The following MAD1L1 variants were observed in gnomAD, a reference collection of about 807,000 sequenced individuals.
MAD1L1 encodes mitotic arrest deficient 1 like 1.
MAD1L1 carries 95 observed loss-of-function variants against 96.9 expected under a neutral mutation model. That is an observed-to-expected ratio of 0.98 (90% CI 0.83 to 1.16). The LOEUF (loss-of-function observed/expected upper bound fraction) is 1.16. Ranked by LOEUF, MAD1L1 falls within the 50% of genes most tolerant of loss-of-function variation. MAD1L1 has a pLI of 0.00. For missense variants in MAD1L1, 1,007 were observed against 954.4 expected (o/e 1.06, Z -0.73); for synonymous variants, 473 against 396.6 (o/e 1.19, Z -2.29).
intron 15 of MAD1L1, among the ~76,000 whole-genome samples, chr7:1,964,241 T>C (rs1780067684): frequency 6.6e-6 from 1 of 152,114 alleles, no homozygotes; most frequent in African/African-American, 2.4e-5. Context: ...TGCAGGGGCT[T>C]CTTGACTTAG....
At chr7:2,223,299 C>G (rs1639919) in intron 4 of MAD1L1, among the ~76,000 whole-genome samples, 103,746 of 151,830 alleles carry the variant, frequency 0.68, 36,326 homozygotes, top group African/African-American at 0.83. Flanking sequence ...AACCTCCAGA[C>G]CCACCCCCCA....
At chr7:1,821,854 C>T (rs551306241) in intron 18 of MAD1L1, among the ~76,000 whole-genome samples, 2 of 152,336 alleles carry the variant, frequency 1.3e-5, no homozygotes, top group South Asian at 4.1e-4. Context: ...CGCCTTCCCT[C>T]ATTCGGTCAG....
intron 5 of MAD1L1, among the ~76,000 whole-genome samples, chr7:2,221,849 T>C (rs895294282): frequency 5.3e-5 from 8 of 152,142 alleles, no homozygotes; most frequent in Non-Finnish European, 1.2e-4. Flanking sequence ...ATTGGAGCCC[T>C]CAGCCAGGCC....
chr7:2,139,997 C>CCCCCCG, intron 11 of MAD1L1, among the ~76,000 whole-genome samples: 1 of 148,976 alleles, frequency 6.7e-6, no homozygotes, highest in South Asian at 2.2e-4. Flanking sequence ...CCCCGCCCCC[C>CCCCCCG]CCCAGTCCCT....
chr7:2,226,590 G>A (rs1793910818), intron 3 of MAD1L1, among the ~76,000 whole-genome samples: 1 of 152,216 alleles, frequency 6.6e-6, no homozygotes, highest in African/African-American at 2.4e-5. Context: ...GGAGGAAAAG[G>A]CAGAGTCACT....
At chr7:2,059,937 G>T (rs755397074) in intron 12 of MAD1L1, among the ~76,000 whole-genome samples, 4 of 152,186 alleles carry the variant, frequency 2.6e-5, no homozygotes, top group African/African-American at 4.8e-5. Context: ...CTAATGACAT[G>T]TAAGAATCTA....
At chr7:2,045,910 C>A (rs1278185883) in intron 12 of MAD1L1, among the ~76,000 whole-genome samples, 1 of 152,210 alleles carries the variant, frequency 6.6e-6, no homozygotes, top group Non-Finnish European at 1.5e-5. Context: ...GGAGCTGAGC[C>A]ATCATCTTTA....
In MAD1L1 at chr7:2,146,200, C is replaced by G. The variant is rs1307427231; in HGVS notation, c.1073+2952G>C. On this transcript the variant is annotated intron_variant, in intron 11 of 18. Coordinates refer to ENST00000265854, the MANE Select transcript of MAD1L1 (RefSeq NM_001013836.2). This position sits in a 1 kb window ranked among gnomAD's most constrained non-coding sequence, Gnocchi z 6.2. The stretch of plus-strand genomic sequence containing the variant: ...GCACAAGCATTCCGAGATGCTGCCA[C>G]GTGAGCTACCCCAGCGGCACCGTCA... Among the ~76,000 whole-genome samples the G allele has an allele frequency of 6.6e-6, 1 of 152,188 alleles. No individual in the cohort carries two copies. Among genetic ancestry groups the G allele is most frequent in the East Asian group, 1.9e-4 (1 of 5,200 alleles).
At chr7:1,871,484 C>T (rs1014827742) in intron 18 of MAD1L1, among the ~76,000 whole-genome samples, 4 of 150,072 alleles carry the variant, frequency 2.7e-5, no homozygotes, top group African/African-American at 7.4e-5. Context: ...CACGCTGAAC[C>T]CAACCTACGC....
At chr7:1,982,896 A>C (rs1780971427) in intron 14 of MAD1L1, among the ~76,000 whole-genome samples, 1 of 152,082 alleles carries the variant, frequency 6.6e-6, no homozygotes, top group Non-Finnish European at 1.5e-5. Flanking sequence ...TTTTATTAAG[A>C]GTTTTTAATC....
intron 17 of MAD1L1, among the ~76,000 whole-genome samples, chr7:1,907,772 C>T (rs1326196548): frequency 1.6e-4 from 25 of 152,256 alleles, no homozygotes; most frequent in African/African-American, 4.1e-4. Flanking sequence ...ATCCCTGTGT[C>T]GTCAACAACC....
intron 17 of MAD1L1, among the ~76,000 whole-genome samples, chr7:1,905,440 TC>T (rs1246120832): frequency 1.3e-5 from 2 of 148,432 alleles, no homozygotes; most frequent in Non-Finnish European, 1.5e-5. Context: ...GAAGCACTGT[TC>T]CAGGCAGCAA....
intron 14 of MAD1L1, among the ~76,000 whole-genome samples, chr7:1,995,234 C>T (rs1426258888): frequency 1.3e-5 from 2 of 152,320 alleles, no homozygotes; most frequent in African/African-American, 4.8e-5. Context: ...CCTCGGGGCA[C>T]GCACTGAGGA....
At chr7:2,058,047 G>C (rs1311488840) in intron 12 of MAD1L1, among the ~76,000 whole-genome samples, 1 of 109,934 alleles carries the variant, frequency 9.1e-6, no homozygotes, top group Non-Finnish European at 1.8e-5. Context: ...GAGAGGCGCG[G>C]GGCTGGAGAG....
At chr7:1,986,073 A>C (rs992402852) in intron 14 of MAD1L1, among the ~76,000 whole-genome samples, 1 of 152,142 alleles carries the variant, frequency 6.6e-6, no homozygotes, top group Non-Finnish European at 1.5e-5. Context: ...GCTGAAGATG[A>C]GTTTTATTGA....
At chr7:2,075,865 C>A (rs1204154307) in intron 11 of MAD1L1, among the ~76,000 whole-genome samples, 2 of 152,224 alleles carry the variant, frequency 1.3e-5, no homozygotes, top group Non-Finnish European at 2.9e-5. Context: ...CTACCTTCTC[C>A]CAAGTCCCAG....
chr7:1,854,366 G>A (rs769192846), intron 18 of MAD1L1: 45 of 473,462 alleles, frequency 9.5e-5, no homozygotes, highest in Non-Finnish European at 3.4e-5. Context: ...AACCTACCCT[G>A]TGGAAGCCTG....
At chr7:2,141,113 G>A (rs919762044) in intron 11 of MAD1L1, among the ~76,000 whole-genome samples, 8 of 152,218 alleles carry the variant, frequency 5.3e-5, no homozygotes, top group African/African-American at 9.6e-5. Flanking sequence ...CGCTGGACCC[G>A]GCCCCGTCAT....
chr7:1,986,543 G>A (rs1440560152), intron 14 of MAD1L1, among the ~76,000 whole-genome samples: 1 of 149,378 alleles, frequency 6.7e-6, no homozygotes, highest in African/African-American at 2.5e-5. Flanking sequence ...GCCGGCAAGG[G>A]GGTTCTACTC....
Sources: gnomAD v4.1 joint callset for allele counts (sites outside exome capture counted in the v4.1 genomes callset) on GRCh38, gnomAD v4.1.1 for gene constraint, Gnocchi (gnomAD v3.1) non-coding constraint, MANE v1.5 for transcripts, NCBI Gene and HGNC (gene_info 2026-07-23, HGNC 2026-07-21) for gene names.